BBIP1: variants seen among roughly 807,000 people sequenced by gnomAD.
BBIP1 encodes BBSome interacting protein 1.
Under a neutral mutation model 8.9 loss-of-function variants are expected in BBIP1, and 6 were observed. That is an observed-to-expected ratio of 0.67 (90% CI 0.37 to 1.33). The LOEUF is 1.33. BBIP1 is among the 40% of genes most tolerant of loss of function. The probability of loss-of-function intolerance (pLI) is 0.02; values close to 1 mark genes in which losing one functional copy is unlikely to be tolerated. For missense variants in BBIP1, 111 were observed against 109.2 expected (o/e 1.02, Z -0.07); for synonymous variants, 32 against 33.4 (o/e 0.96, Z 0.14).
At chr10:110,918,517 G>C (rs920294377) in intron 1 of BBIP1, among the ~76,000 whole-genome samples, 3 of 152,248 alleles carry the variant, frequency 2.0e-5, no homozygotes, top group African/African-American at 7.2e-5. Context: ...TCCCTCCAAA[G>C]GCCAAGGAGT....
At chr10:110,906,072 G>A (rs1029994840) in intron 2 of BBIP1, among the ~76,000 whole-genome samples, 2 of 150,666 alleles carry the variant, frequency 1.3e-5, no homozygotes, top group African/African-American at 4.9e-5. Flanking sequence ...GCGCGATCTT[G>A]GCTCACTGCA....
chr10:110,901,364 T>TTTG lies in BBIP1; in HGVS notation c.112+171_112+173dup, dbSNP rs1159786385. On this transcript the variant is annotated intron_variant, in intron 3 of 3. Coordinates refer to ENST00000448814, the MANE Select transcript of BBIP1 (RefSeq NM_001195305.3). ...TTTAGGTATAAGAAACAATGTTTCA[T>TTTG]TTGTTATCCTTTTACTGGATGTCAT... 6.8e-6 allele frequency: 4 copies of TTTG among 588,490 alleles called. No individual in the cohort carries two copies. The African/African-American group carries it at 7.5e-5, about 11-fold the overall frequency. 36.5% of individuals were successfully genotyped at this position (588,490 alleles called of 1,614,324 possible). A position where few individuals can be genotyped will look rare whatever the true frequency, so the allele number is the denominator to read the frequency against.
chr10:110,907,907 T>C (rs765758330), intron 2 of BBIP1: 1 of 606,162 alleles, frequency 1.6e-6, no homozygotes, highest in Non-Finnish European at 2.9e-6. Context: ...TGCTAAAGTA[T>C]GTGATACATT....
chr10:110,907,499 T>C lies in BBIP1; in HGVS notation c.38-5887A>G, dbSNP rs1590752469. On this transcript the variant is annotated intron_variant, in intron 2 of 3. Coordinates refer to ENST00000448814, the MANE Select transcript of BBIP1 (RefSeq NM_001195305.3). ...CTGCATTCTAGCTTAGGTGACAGAG[T>C]AAGAGCTTGTCTCAAGAAAAAAAAA... The C allele has an allele frequency of 6.2e-5, 27 of 436,890 alleles. No homozygotes were observed. The East Asian group carries it at 9.9e-4, about 16-fold the overall frequency. The allele number at this position is 436,890 out of a possible 1,614,324, so 27.1% of individuals were successfully genotyped here.
At chr10:110,909,259 G>A (rs939104561) in intron 2 of BBIP1, among the ~76,000 whole-genome samples, 34 of 151,696 alleles carry the variant, frequency 2.2e-4, no homozygotes, top group Non-Finnish European at 4.3e-4. Flanking sequence ...GTGCAGTGGC[G>A]CGATCTCGGC....
At chr10:110,903,200 T>C (rs914057586) in intron 2 of BBIP1, 1 of 152,238 alleles carries the variant, frequency 6.6e-6, no homozygotes, top group African/African-American at 2.4e-5. Context: ...TAAACAACTC[T>C]TAGCTGTTAT....
At chr10:110,906,522 A>G (rs1310420758) in intron 2 of BBIP1, 1 of 152,116 alleles carries the variant, frequency 6.6e-6, no homozygotes, top group Non-Finnish European at 1.5e-5. Context: ...TAGTTCACGT[A>G]TATACATGGC....
At chr10:110,914,130 G>C (rs1361174720) in intron 2 of BBIP1, among the ~76,000 whole-genome samples, 1 of 152,118 alleles carries the variant, frequency 6.6e-6, no homozygotes, top group Non-Finnish European at 1.5e-5. Context: ...TGCAACTACA[G>C]TAAAACATAT....
chr10:110,907,838 T>A (rs1234302105), intron 2 of BBIP1: 1 of 683,012 alleles, frequency 1.5e-6, no homozygotes, highest in Admixed American at 2.3e-5. Flanking sequence ...TGAGAAGCCC[T>A]GGGAAGGAAA....
At chr10:110,919,321 G>A (rs1846547490), upstream of BBIP1, 1 of 354,036 alleles carries the variant, frequency 2.8e-6, no homozygotes, top group Admixed American at 4.7e-5. Context: ...TCTGTAGCCC[G>A]GCTAGCCAGA....
At chr10:110,914,756 C>T (rs951862353) in intron 2 of BBIP1, among the ~76,000 whole-genome samples, 1 of 152,118 alleles carries the variant, frequency 6.6e-6, no homozygotes, top group African/African-American at 2.4e-5. Context: ...CTGAAATGTA[C>T]CTAGGCCTAA....
intron 2 of BBIP1, among the ~76,000 whole-genome samples, chr10:110,913,637 A>G (rs1003086639): frequency 6.6e-6 from 1 of 152,256 alleles, no homozygotes; most frequent in Non-Finnish European, 1.5e-5. Flanking sequence ...AATTGTAATC[A>G]AGGCAACAGA....
chr10:110,910,505 G>A (rs1182041144), intron 2 of BBIP1: 1 of 152,178 alleles, frequency 6.6e-6, no homozygotes, highest in Admixed American at 6.5e-5. Flanking sequence ...AATGAGAAGA[G>A]ACACTAGAGG....
intron 2 of BBIP1, among the ~76,000 whole-genome samples, chr10:110,914,517 AC>A (rs1475512676): frequency 6.6e-6 from 1 of 152,040 alleles, no homozygotes; most frequent in Non-Finnish European, 1.5e-5. Context: ...AAGTAGTAAT[AC>A]TCACTCTTAC....
intron 2 of BBIP1, among the ~76,000 whole-genome samples, chr10:110,914,619 G>A (rs1340191152): frequency 2.0e-5 from 3 of 152,158 alleles, no homozygotes; most frequent in Non-Finnish European, 2.9e-5. Flanking sequence ...TATGTCATAT[G>A]TCGGAGACTA....
At chr10:110,914,700 C>CG (rs1260935098) in intron 2 of BBIP1, among the ~76,000 whole-genome samples, 2 of 152,172 alleles carry the variant, frequency 1.3e-5, no homozygotes, top group Non-Finnish European at 2.9e-5. Flanking sequence ...TTCAATTTAG[C>CG]TAATTAATTC....
Position 110,898,959 on chromosome 10 carries a change from A to C in BBIP1, c.*1401T>G, listed in dbSNP as rs1439811981. 1.3e-5 allele frequency: 2 copies of C among 152,050 alleles called. No homozygotes were observed. Among genetic ancestry groups the C allele is most frequent in the Non-Finnish European group, 1.5e-5 (1 of 67,922 alleles). The allele number at this position is 152,050 out of a possible 1,614,324, so 9.4% of individuals were successfully genotyped here. A position where few individuals can be genotyped will look rare whatever the true frequency, so the allele number is the denominator to read the frequency against. ...GCAGGTATCACTTTACTCCATTGTTATCTGACCTAGAGCTTAATTAAGTTT... is the reference window on the plus strand; with the variant it reads ...GCAGGTATCACTTTACTCCATTGTTCTCTGACCTAGAGCTTAATTAAGTTT... On this transcript the variant is annotated 3_prime_UTR_variant, in exon 4 of 4. Coordinates refer to ENST00000448814, the MANE Select transcript of BBIP1 (RefSeq NM_001195305.3).
intron 2 of BBIP1, chr10:110,902,228 C>G (rs895923638): frequency 6.5e-6 from 1 of 153,250 alleles, no homozygotes; most frequent in Non-Finnish European, 1.5e-5. Flanking sequence ...CTATTTTCCT[C>G]TAATACCGAG....
At chr10:110,900,793 A>G (rs1845977209) in intron 3 of BBIP1, 1 of 352,636 alleles carries the variant, frequency 2.8e-6, no homozygotes, top group Non-Finnish European at 5.1e-6. Flanking sequence ...TTTGTGTCAG[A>G]AGTTTAATCT....
Sources: allele counts gnomAD v4.1 joint callset (sites outside exome capture counted in the v4.1 genomes callset), GRCh38; gene constraint gnomAD v4.1.1; transcripts MANE v1.5; gene names NCBI Gene and HGNC (gene_info 2026-07-23, HGNC 2026-07-21).